The following WSB2 variants were observed in gnomAD, a reference collection of about 807,000 sequenced individuals.
The protein encoded by WSB2 is WD repeat and SOCS box containing 2.
In WSB2, 12 loss-of-function variants were observed where a neutral mutation model predicts 48.8. That is an observed-to-expected ratio of 0.25 (90% CI 0.16 to 0.40). The LOEUF is 0.40. Ranked by LOEUF, WSB2 falls within the 10% of genes least tolerant of loss-of-function variation. The probability of loss-of-function intolerance (pLI) is 1.00; values close to 1 mark genes in which losing one functional copy is unlikely to be tolerated. For synonymous variants in WSB2, 191 were observed against 203.1 expected, an observed-to-expected ratio of 0.94 and a Z score of 0.51; for missense variants, 317 against 506.2, an observed-to-expected ratio of 0.63 and a Z score of 3.59.
At chr12:118,037,678 A>AAG (rs2031544539) in intron 5 of WSB2, among the ~76,000 whole-genome samples, 1 of 151,366 alleles carries the variant, frequency 6.6e-6, no homozygotes, top group South Asian at 2.1e-4. Flanking sequence ...AAAAAAAAAA[A>AAG]AAAAGAAAAG....
chr12:118,042,692 A>T, intron 4 of WSB2, 149 bp downstream of exon 4: 1 of 1,289,768 alleles, frequency 7.8e-7, no homozygotes, highest in Non-Finnish European at 1.1e-6. Flanking sequence ...AGGGGCGATT[A>T]GGAAAAAACT....
chr12:118,061,183 G>A (rs1280524546), upstream of WSB2: 3 of 983,394 alleles, frequency 3.1e-6, no homozygotes, highest in Admixed American at 1.2e-4. Flanking sequence ...GCTGCTTCCC[G>A]TCACATGGCG....
At chr12:118,053,699 T>G (rs547076076) in intron 1 of WSB2, among the ~76,000 whole-genome samples, 6 of 152,268 alleles carry the variant, frequency 3.9e-5, no homozygotes, top group Non-Finnish European at 5.9e-5. Context: ...TGATGAAGCT[T>G]ATAAGTTAAA....
intron 2 of WSB2, among the ~76,000 whole-genome samples, chr12:118,045,062 T>C (rs1050697544): frequency 6.6e-6 from 1 of 152,200 alleles, no homozygotes; most frequent in African/African-American, 2.4e-5. Context: ...TTTTTGTCAA[T>C]TGTGTGGTGA....
At chr12:118,051,367 A>G (rs2031849387) in intron 2 of WSB2, among the ~76,000 whole-genome samples, 1 of 152,192 alleles carries the variant, frequency 6.6e-6, no homozygotes, top group South Asian at 2.1e-4. Context: ...CAAAACATGA[A>G]AACAACCCAA....
Position 118,043,236 on chromosome 12 carries a change from C to A in WSB2, c.324G>T (p.Arg108Ser). 1 of 1,614,230 alleles carries A rather than the reference C, an allele frequency of 6.2e-7. No individual in the cohort carries two copies. The highest frequency in any genetic ancestry group is 8.5e-7 in the Non-Finnish European group (1 of 1,180,034). The change falls in exon 3 of 9, where the codon AGG becomes AGT. Residue 108 changes from arginine (R) to serine (S), a missense_variant. Physicochemically the swap from Arg to Ser is moderately radical, Grantham distance 110. This residue lies in a region of WSB2 where 128 missense variants were observed against 156.7 expected (regional missense o/e 0.82). Transcript: ENST00000315436. Reference sequence around the variant, plus strand: ...GGGGGTGGTGGCGTGCCCAGAGCTTCCTGCTGGGTGGGGAAGGCCACGGGC... The same window carrying A: ...GGGGGTGGTGGCGTGCCCAGAGCTTACTGCTGGGTGGGGAAGGCCACGGGC... ...AFSPWPSPPSRKLWARHHPQV... is the reference protein window; with the variant it reads ...AFSPWPSPPSSKLWARHHPQV...
chr12:118,043,311 T>G lies in WSB2; in HGVS notation c.249A>C (p.Pro83=). 1 of 1,611,400 alleles carries G rather than the reference T, an allele frequency of 6.2e-7. No homozygotes were observed. The highest frequency in any genetic ancestry group is 8.5e-7 in the Non-Finnish European group (1 of 1,178,436). Residue 83 remains proline, a synonymous_variant, in exon 3 of 9, where the codon CCA becomes CCC. Transcript: ENST00000315436. ...SKNETKGRGS[P]KEKTLDCGQI... is the part of the protein sequence containing the mutation. ...GACCACAGTCCAGCGTCTTCTCTTTTGGGCTGCCCCGCCCTTTCGTCTCAT... is the reference window on the plus strand; with the variant it reads ...GACCACAGTCCAGCGTCTTCTCTTTGGGGCTGCCCCGCCCTTTCGTCTCAT...
At chr12:118,055,906 C>G (rs957459415) in intron 1 of WSB2, among the ~76,000 whole-genome samples, 1 of 141,436 alleles carries the variant, frequency 7.1e-6, no homozygotes, top group Non-Finnish European at 1.5e-5. Context: ...TAAACCACCA[C>G]GTCTGTTTTT....
upstream of WSB2, chr12:118,062,092 TACCTACCTACGGCG>T: frequency 6.5e-7 from 1 of 1,535,068 alleles, no homozygotes; most frequent in Non-Finnish European, 8.7e-7. Flanking sequence ...ACTGTCCCCT[TACCTACCTACGGCG>T]ACAGCCTCGC....
At position 118,036,728 on chromosome 12, in the gene WSB2, C is replaced by T. The variant is rs372880021; in HGVS notation, c.661-218G>A. On this transcript the variant is annotated intron_variant, in intron 5 of 8. Transcript: ENST00000315436. ...TAAAACAATGGGCATGCTCAAGGAG[C>T]TCACTATAAGAGAGAATAAACCAGA... is the stretch of plus-strand genomic sequence containing the variant. Among the ~76,000 whole-genome samples, 143 of 152,306 alleles carry T rather than the reference C, an allele frequency of 9.4e-4. 2 individuals carry two copies. The South Asian group carries it at 0.028, about 30-fold the overall frequency.
At chr12:118,055,183 G>A (rs768566699) in intron 1 of WSB2, among the ~76,000 whole-genome samples, 78 of 152,010 alleles carry the variant, frequency 5.1e-4, no homozygotes, top group Non-Finnish European at 9.7e-4. Flanking sequence ...ATAGACCCAG[G>A]GTTCTCAACT....
intron 8 of WSB2, chr12:118,034,621 A>G (rs2031462724): frequency 2.1e-6 from 1 of 477,104 alleles, no homozygotes; most frequent in African/African-American, 1.9e-5. Flanking sequence ...ATCTGACCAC[A>G]GTTAGTTCAA....
intron 1 of WSB2, among the ~76,000 whole-genome samples, chr12:118,058,231 C>T (rs905025913): frequency 3.3e-5 from 5 of 152,250 alleles, no homozygotes; most frequent in East Asian, 1.9e-4. Context: ...GATATTCCAC[C>T]GGCCTCAAAA....
intron 4 of WSB2, among the ~76,000 whole-genome samples, chr12:118,040,706 G>A (rs1403284378): frequency 6.6e-6 from 1 of 151,548 alleles, no homozygotes; most frequent in Non-Finnish European, 1.5e-5. Flanking sequence ...CTGATCAGCA[G>A]CACATCTTAG....
At chr12:118,059,919 G>A (rs952387022) in intron 1 of WSB2, among the ~76,000 whole-genome samples, 1 of 152,160 alleles carries the variant, frequency 6.6e-6, no homozygotes, top group Admixed American at 6.6e-5. Flanking sequence ...GGAATACCCA[G>A]ATTTCAACCT....
intron 4 of WSB2, among the ~76,000 whole-genome samples, chr12:118,040,889 A>C (rs1378504032): frequency 1.3e-5 from 2 of 152,162 alleles, no homozygotes; most frequent in African/African-American, 4.8e-5. Flanking sequence ...CTCTACTAAA[A>C]ATACAAAACA....
chr12:118,055,034 AAAAG>A lies in WSB2; in HGVS notation c.14-2560_14-2557del, dbSNP rs1241288512. On this transcript the variant is annotated intron_variant, in intron 1 of 8. Coordinates refer to ENST00000315436, the MANE Select transcript of WSB2 (RefSeq NM_018639.5). Reference sequence around the variant, plus strand: ...TCTCTTTAAAAAAAAAAAAAAAGAAAAAAGAAAGAAATATATTTTTATATATATG... The same window carrying A: ...TCTCTTTAAAAAAAAAAAAAAAGAAAAAAGAAATATATTTTTATATATATG... Among the ~76,000 whole-genome samples, 3 of 151,518 alleles carry A rather than the reference AAAAG, an allele frequency of 2.0e-5. No homozygotes were observed. In the South Asian group the frequency reaches 6.2e-4, roughly 31 times the overall value.
At chr12:118,038,953 T>C (rs1218167708) in intron 4 of WSB2, among the ~76,000 whole-genome samples, 1 of 152,132 alleles carries the variant, frequency 6.6e-6, no homozygotes, top group Non-Finnish European at 1.5e-5. Context: ...TTGAATTGCA[T>C]TAAAGGTTTC....
chr12:118,055,014 TTAAA>T (rs951543536), intron 1 of WSB2, among the ~76,000 whole-genome samples: 1 of 137,910 alleles, frequency 7.3e-6, no homozygotes, highest in Non-Finnish European at 1.5e-5. Context: ...CTCCATCTCT[TTAAA>T]AAAAAAAAAA....
Sources: gnomAD v4.1 joint callset for allele counts (sites outside exome capture counted in the v4.1 genomes callset) on GRCh38, gnomAD v4.1.1 for gene constraint, gnomAD v4.1.1 regional missense constraint, MANE v1.5 for transcripts, NCBI Gene and HGNC (gene_info 2026-07-23, HGNC 2026-07-21) for gene names.